The following VPS52 variants were observed in gnomAD, a reference collection of about 807,000 sequenced individuals.
VPS52 encodes the protein vacuolar protein sorting-associated protein 52 homolog.
Under a neutral mutation model 98.7 loss-of-function variants are expected in VPS52, and 56 were observed. That is an observed-to-expected ratio of 0.57 (90% CI 0.46 to 0.71). VPS52 has a LOEUF of 0.71. VPS52 is among the 30% of genes least tolerant of loss of function. The pLI, the probability that VPS52 is intolerant of heterozygous loss-of-function variation, is 0.00. For missense variants in VPS52, 742 were observed against 925.9 expected (o/e 0.80, Z 2.58); for synonymous variants, 348 against 346.4 (o/e 1.00, Z -0.05).
At chr6:33,270,176 A>G in intron 2 of VPS52, 23 bp downstream of exon 2, 1 of 1,612,108 alleles carries the variant, frequency 6.2e-7, no homozygotes, top group East Asian at 2.2e-5. Context: ...CAGGTACTGC[A>G]CCCACCCCAT....
At chr6:33,271,487 T>G (rs1434771813) in intron 1 of VPS52, 99 bp downstream of exon 1, 1 of 1,509,908 alleles carries the variant, frequency 6.6e-7, no homozygotes, top group East Asian at 2.5e-5. Context: ...ATATCACGGG[T>G]AGCAGCCAAG....
At chr6:33,258,597 T>C (rs113401872) in intron 17 of VPS52, among the ~76,000 whole-genome samples, 5,763 of 152,272 alleles carry the variant, frequency 0.038, 188 homozygotes, top group African/African-American at 0.086. Flanking sequence ...TTTTTTTCTT[T>C]ATTTTTTGAG....
Position 33,270,199 on chromosome 6 carries a change from C to T in VPS52, c.175G>A (p.Val59Ile). ...SDEFILDEVD[V>I]HIQANLEDEL... The stretch of plus-strand genomic sequence containing the variant: ...GCACCCACCCCATGCCATCGCTTAC[C>T]ATCCACTTCATCCAGGATGAATTCA... Residue 59 changes from valine (V) to isoleucine (I), a missense_variant and splice_region_variant, in exon 2 of 20, where the codon GTT (valine) becomes ATT (isoleucine). By Grantham distance (29) the Val-to-Ile change is conservative. Coordinates refer to ENST00000445902, the MANE Select transcript of VPS52 (RefSeq NM_022553.6). 1 of 1,612,412 alleles carries T rather than the reference C, an allele frequency of 6.2e-7. No individual in the cohort carries two copies. Among genetic ancestry groups the T allele is most frequent in the Non-Finnish European group, 8.5e-7 (1 of 1,178,546 alleles).
In VPS52 at chr6:33,250,892, G is replaced by T. The variant is rs751772982; in HGVS notation, c.2121C>A (p.Ile707=). Residue 707 remains isoleucine, a synonymous_variant, in exon 20 of 20, where the codon ATC becomes ATA. Coordinates refer to ENST00000445902, the MANE Select transcript of VPS52 (RefSeq NM_022553.6). ...LRALPARAEL[I]NIHHLMVELK... is the part of the protein sequence containing the mutation. ...GCTCCACCATAAGGTGGTGAATGTT[G>T]ATGAGCTCAGCCCGGGCAGGGAGGG... 7 of 1,613,090 alleles carry T rather than the reference G, an allele frequency of 4.3e-6. No individual in the cohort carries two copies. Among genetic ancestry groups the T allele is most frequent in the Non-Finnish European group, 5.9e-6 (7 of 1,180,034 alleles).
Position 33,271,848 on chromosome 6 carries a change from T to A in VPS52, c.-173A>T, listed in dbSNP as rs1765144484. On this transcript the variant is annotated 5_prime_UTR_variant, in exon 1 of 20. Coordinates refer to ENST00000445902, the MANE Select transcript of VPS52 (RefSeq NM_022553.6). ...TCTAACCACTTCACCCAACTGCAAA[T>A]GGAAATATGGAAGTCTGAAACACAA... 4 of 1,362,730 alleles carry A rather than the reference T, an allele frequency of 2.9e-6. No individual in the cohort carries two copies. Among genetic ancestry groups the A allele is most frequent in the Non-Finnish European group, 3.9e-6 (4 of 1,029,156 alleles). The allele number at this position is 1,362,730 out of a possible 1,614,324, so 84.4% of individuals were successfully genotyped here.
In VPS52 at chr6:33,268,942, G is replaced by A; in HGVS notation, c.548+72C>T. 2 of 1,561,478 alleles carry A rather than the reference G, an allele frequency of 1.3e-6. No homozygotes were observed. The highest frequency in any genetic ancestry group is 1.7e-6 in the Non-Finnish European group (2 of 1,150,878). ...TAACCTGGAGCCAGGAGACCCATAT[G>A]GTAAATAGGGTGGGTCACCCCAGCC... On this transcript the variant is annotated intron_variant, in intron 6 of 19. Coordinates refer to ENST00000445902, the MANE Select transcript of VPS52 (RefSeq NM_022553.6). The surrounding 1 kb of genome is among the most constrained non-coding windows in gnomAD (Gnocchi z 4.0).
intron 13 of VPS52, 126 bp downstream of exon 13, chr6:33,264,656 C>T (rs937568533): frequency 1.1e-5 from 15 of 1,403,840 alleles, no homozygotes; most frequent in African/African-American, 1.4e-5. Context: ...CTACTGCCTC[C>T]GGAGCAAATG....
chr6:33,261,784 T>G (rs1430454198), intron 17 of VPS52, among the ~76,000 whole-genome samples: 42 of 151,956 alleles, frequency 2.8e-4, no homozygotes, highest in Admixed American at 2.7e-3. Context: ...CTCACGCCTG[T>G]AATCCCAGCA....
chr6:33,250,687 G>T lies in VPS52; in HGVS notation c.*154C>A. On this transcript the variant is annotated 3_prime_UTR_variant, in exon 20 of 20. Coordinates refer to ENST00000445902, the MANE Select transcript of VPS52 (RefSeq NM_022553.6). The stretch of plus-strand genomic sequence containing the variant: ...CAAGGGGATCCAGCTTATCCTGTTG[G>T]GCAAGGTGCTGGGAGTGAAGGCAGG... 1.0e-6 allele frequency: 1 copy of T among 986,242 alleles called. No individual in the cohort carries two copies. Among genetic ancestry groups the T allele is most frequent in the Non-Finnish European group, 1.5e-6 (1 of 675,420 alleles). 61.1% of individuals were successfully genotyped at this position (986,242 alleles called of 1,614,324 possible).
At position 33,269,137 on chromosome 6, in the gene VPS52, G is replaced by A. The variant is rs892670119; in HGVS notation, c.425C>T (p.Ser142Phe). ...CTGTTCCTGCAGTGTCCGGATCTCAGAGCTGATGGAGCTGAGGTCACTCTG... is the reference window on the plus strand; with the variant it reads ...CTGTTCCTGCAGTGTCCGGATCTCAAAGCTGATGGAGCTGAGGTCACTCTG... The part of the protein sequence containing the change: ...AFQSDLSSIS[S>F]EIRTLQEQSG... The change falls in exon 6 of 20, where the codon TCT becomes TTT. Residue 142 changes from serine to phenylalanine, a missense_variant. Coordinates refer to ENST00000445902, the MANE Select transcript of VPS52 (RefSeq NM_022553.6). 6.2e-7 allele frequency: 1 copy of A among 1,613,046 alleles called. No homozygotes were observed. The highest frequency in any genetic ancestry group is 8.5e-7 in the Non-Finnish European group (1 of 1,180,032).
rs1258318700 is a variant in VPS52 at position 33,250,509 on chromosome 6, T to A, written c.*332A>T. On this transcript the variant is annotated 3_prime_UTR_variant, in exon 20 of 20. Coordinates refer to ENST00000445902, the MANE Select transcript of VPS52 (RefSeq NM_022553.6). ...GTGACTAGTTGAGTGAACCAGAGAT[T>A]GAGGCAGTGGTTTTTACAGGGGAAG... The A allele has an allele frequency of 6.5e-5, 19 of 292,360 alleles. No homozygotes were observed. The East Asian group carries it at 1.3e-3, about 20-fold the overall frequency. The allele number at this position is 292,360 out of a possible 1,614,324, so 18.1% of individuals were successfully genotyped here.
At chr6:33,258,480 T>TAAA (rs1763265720) in intron 17 of VPS52, among the ~76,000 whole-genome samples, 1 of 120,778 alleles carries the variant, frequency 8.3e-6, no homozygotes. Flanking sequence ...AAAAAAAAAG[T>TAAA]AAAAAGATAC....
chr6:33,251,243 G>A (rs1297941266), intron 19 of VPS52, among the ~76,000 whole-genome samples: 3 of 152,040 alleles, frequency 2.0e-5, no homozygotes, highest in African/African-American at 7.3e-5. Flanking sequence ...TTGGGAGGCT[G>A]AGGCAGGAAA....
chr6:33,260,194 T>G (rs1341400964), intron 17 of VPS52, among the ~76,000 whole-genome samples: 2 of 152,194 alleles, frequency 1.3e-5, no homozygotes, highest in Non-Finnish European at 2.9e-5. Flanking sequence ...TTTTTTGTTT[T>G]GTTTTGCTGT....
In VPS52 at chr6:33,267,137, C is replaced by T. The variant is rs769137189; in HGVS notation, c.1125+51G>A. On this transcript the variant is annotated intron_variant, in intron 11 of 19. Coordinates refer to ENST00000445902, the MANE Select transcript of VPS52 (RefSeq NM_022553.6). The surrounding 1 kb of genome is among the most constrained non-coding windows in gnomAD (Gnocchi z 4.2). ...CTGCCCTGAGGTCTGGCCTTCCCTCCCCACCGTGCTCAGAGCCTCTTTCGT... is the reference window on the plus strand; with the variant it reads ...CTGCCCTGAGGTCTGGCCTTCCCTCTCCACCGTGCTCAGAGCCTCTTTCGT... 7 of 1,451,596 alleles carry T rather than the reference C, an allele frequency of 4.8e-6. No homozygotes were observed. Among genetic ancestry groups the T allele is most frequent in the Non-Finnish European group, 5.5e-6 (6 of 1,100,222 alleles). The allele number at this position is 1,451,596 out of a possible 1,614,324, so 89.9% of individuals were successfully genotyped here.
intron 17 of VPS52, 71 bp from the exon 18 acceptor site, chr6:33,252,042 C>T: frequency 1.6e-6 from 2 of 1,256,426 alleles, no homozygotes; most frequent in Non-Finnish European, 2.3e-6. Flanking sequence ...GGCATCATGA[C>T]TAATGTAGAT....
At chr6:33,270,746 C>T (rs1274870566) in intron 1 of VPS52, among the ~76,000 whole-genome samples, 3 of 152,008 alleles carry the variant, frequency 2.0e-5, no homozygotes, top group Non-Finnish European at 2.9e-5. Flanking sequence ...GTCAGGAGAT[C>T]GAGACCATCC....
rs190387411 is a variant in VPS52, at chr6:33,250,532, A to C, written c.*309T>G. 1.0e-4 allele frequency: 35 copies of C among 342,980 alleles called. No individual in the cohort carries two copies. The highest frequency in any genetic ancestry group is 8.4e-4 in the Admixed American group (18 of 21,510). The allele number at this position is 342,980 out of a possible 1,614,324, so 21.2% of individuals were successfully genotyped here. A position where few individuals can be genotyped will look rare whatever the true frequency, so the allele number is the denominator to read the frequency against. On this transcript the variant is annotated 3_prime_UTR_variant, in exon 20 of 20. Coordinates refer to ENST00000445902, the MANE Select transcript of VPS52 (RefSeq NM_022553.6). ...ATTGAGGCAGTGGTTTTTACAGGGG[A>C]AGAAACAAGCCTTGGGTGTATGGGA...
In VPS52 at chr6:33,268,590, T is replaced by C. The variant is rs369034057; in HGVS notation, c.608A>G (p.Asp203Gly). Residue 203 changes from aspartate to glycine, a missense_variant, in exon 7 of 20, where the codon GAT becomes GGT. Transcript: ENST00000445902. The surrounding 1 kb of genome is among the most constrained non-coding windows in gnomAD (Gnocchi z 4.0). ...PRFLEQLQEL[D>G]AKAAAVREQE... Reference sequence around the variant, plus strand: ...CTCTCTGACTGCGGCTGCCTTGGCATCCAGCTCCTGTAGCTGCTCCAAGAA... The same window carrying C: ...CTCTCTGACTGCGGCTGCCTTGGCACCCAGCTCCTGTAGCTGCTCCAAGAA... 32 of 1,611,750 alleles carry C rather than the reference T, an allele frequency of 2.0e-5. No individual in the cohort carries two copies. In the African/African-American group the frequency reaches 4.0e-4, roughly 20 times the overall value.
Sources: gnomAD v4.1 joint callset for allele counts (sites outside exome capture counted in the v4.1 genomes callset) on GRCh38, gnomAD v4.1.1 for gene constraint, Gnocchi (gnomAD v3.1) non-coding constraint, MANE v1.5 for transcripts, NCBI Gene and HGNC (gene_info 2026-07-23, HGNC 2026-07-21) for gene names.